Variants in PEAK1 observed in about 807,000 individuals in gnomAD.
The protein encoded by PEAK1 is pseudopodium enriched atypical kinase 1.
In PEAK1, 54 loss-of-function variants were observed where a neutral mutation model predicts 124.7. The observed-to-expected ratio is 0.43, with a 90% CI of 0.35 to 0.54. PEAK1 has a LOEUF of 0.54. Among genes scored for constraint, PEAK1 ranks in the 20% least tolerant of loss-of-function variants. PEAK1 has a pLI of 0.01. For missense variants in PEAK1, 2,046 were observed against 2,134.5 expected (o/e 0.96, Z 0.82); for synonymous variants, 719 against 760.0 (o/e 0.95, Z 0.89).
At chr15:77,281,318 A>C (rs1265406064) in intron 5 of PEAK1, among the ~76,000 whole-genome samples, 1 of 152,218 alleles carries the variant, frequency 6.6e-6, no homozygotes, top group Non-Finnish European at 1.5e-5. Flanking sequence ...AAAGAAAGTA[A>C]GCCATTGTTA....
rs184827297 is a variant in PEAK1 at position 77,308,039 on chromosome 15, C to T, written c.-602-21535G>A. On this transcript the variant is annotated intron_variant, in intron 2 of 9. Coordinates refer to ENST00000682557, the MANE Select transcript of PEAK1 (RefSeq NM_001385026.1). ...TGTTAGGAATATACTAGCTGCTTAA[C>T]AAATGTTGAAAACAGAATAAATAAA... 6.4e-4 allele frequency among the ~76,000 whole-genome samples: 98 copies of T among 152,086 alleles called. 1 individual carries two copies. Among genetic ancestry groups the T allele is most frequent in the African/African-American group, 2.3e-3 (97 of 41,536 alleles).
intron 6 of PEAK1, among the ~76,000 whole-genome samples, chr15:77,250,125 T>TC (rs1430849964): frequency 3.0e-5 from 4 of 135,580 alleles, no homozygotes; most frequent in Non-Finnish European, 6.0e-5. Context: ...AGATTTTTTT[T>TC]TAAAGAAATC....
intron 2 of PEAK1, among the ~76,000 whole-genome samples, chr15:77,294,414 C>T (rs1191039690): frequency 6.6e-6 from 1 of 151,986 alleles, no homozygotes; most frequent in Non-Finnish European, 1.5e-5. Flanking sequence ...AAATAATATA[C>T]CATTTTACTG....
At chr15:77,221,284 C>G (rs2059379111) in intron 6 of PEAK1, among the ~76,000 whole-genome samples, 1 of 152,022 alleles carries the variant, frequency 6.6e-6, no homozygotes, top group African/African-American at 2.4e-5. Context: ...AGTTTGGGGA[C>G]CTAAATGATT....
At chr15:77,246,819 A>C (rs566710587) in intron 6 of PEAK1, among the ~76,000 whole-genome samples, 1 of 152,166 alleles carries the variant, frequency 6.6e-6, no homozygotes, top group Admixed American at 6.5e-5. Flanking sequence ...GGAGTTCAAG[A>C]CCAGTCTGGC....
At chr15:77,155,541 T>TTTG (rs1176591501) in intron 8 of PEAK1, 1 of 152,300 alleles carries the variant, frequency 6.6e-6, no homozygotes, top group East Asian at 1.9e-4. Context: ...ACTGTGTTCC[T>TTTG]TTGGAGGAGG....
intron 5 of PEAK1, among the ~76,000 whole-genome samples, chr15:77,255,132 T>C (rs2061067051): frequency 6.6e-6 from 1 of 152,282 alleles, no homozygotes; most frequent in East Asian, 1.9e-4. Context: ...CTAATGCTCC[T>C]AGAAAAAATG....
At chr15:77,198,998 G>A (rs577056513) in intron 6 of PEAK1, among the ~76,000 whole-genome samples, 2 of 152,348 alleles carry the variant, frequency 1.3e-5, no homozygotes, top group South Asian at 4.1e-4. Flanking sequence ...CTATTTGTAT[G>A]GAAGAGAAGT....
chr15:77,207,262 T>TA (rs2058705131), intron 6 of PEAK1, among the ~76,000 whole-genome samples: 1 of 152,146 alleles, frequency 6.6e-6, no homozygotes, highest in South Asian at 2.1e-4. Context: ...AAAATAACTT[T>TA]AAAAAAGAAC....
At chr15:77,244,711 C>T (rs1003201248) in intron 6 of PEAK1, among the ~76,000 whole-genome samples, 2 of 152,052 alleles carry the variant, frequency 1.3e-5, no homozygotes, top group Admixed American at 1.3e-4. Flanking sequence ...GCCTCAGCCT[C>T]CCAAGTAGCT....
intron 8 of PEAK1, among the ~76,000 whole-genome samples, chr15:77,146,482 A>G (rs1440274697): frequency 6.6e-6 from 1 of 152,212 alleles, no homozygotes; most frequent in Non-Finnish European, 1.5e-5. Flanking sequence ...CTCTCCAAAA[A>G]CAGAGATTAT....
rs138789238 is a variant in PEAK1, at chr15:77,318,935, T to C, written c.-602-32431A>G. On this transcript the variant is annotated intron_variant, in intron 2 of 9. Transcript: ENST00000682557. ...TCCTGAACCACGAACCACCTAACAATGTGGTCAATGTTCTACAAACTCTCT... is the reference window on the plus strand; with the variant it reads ...TCCTGAACCACGAACCACCTAACAACGTGGTCAATGTTCTACAAACTCTCT... Among the ~76,000 whole-genome samples, 116 of 152,222 alleles carry C rather than the reference T, an allele frequency of 7.6e-4. 1 individual carries two copies. Among genetic ancestry groups the C allele is most frequent in the Non-Finnish European group, 2.1e-4 (14 of 68,026 alleles).
chr15:77,420,827 G>T, upstream of PEAK1: 1 of 398,678 alleles, frequency 2.5e-6, no homozygotes, highest in South Asian at 1.3e-4. Flanking sequence ...AGGTGGTTAA[G>T]AGATTAGGTA....
At chr15:77,154,801 T>C (rs1294452387) in intron 8 of PEAK1, among the ~76,000 whole-genome samples, 4 of 152,032 alleles carry the variant, frequency 2.6e-5, no homozygotes, top group African/African-American at 7.2e-5. Flanking sequence ...TTTAAGAATG[T>C]TGAATATTGG....
chr15:77,279,554 AT>A (rs1231444191), intron 5 of PEAK1, among the ~76,000 whole-genome samples: 1 of 152,128 alleles, frequency 6.6e-6, no homozygotes, highest in Non-Finnish European at 1.5e-5. Flanking sequence ...CTTCAGATAA[AT>A]TCTGTCATTT....
intron 2 of PEAK1, among the ~76,000 whole-genome samples, chr15:77,296,975 C>T (rs1210663037): frequency 1.3e-5 from 2 of 151,906 alleles, no homozygotes; most frequent in Middle Eastern, 3.4e-3. Flanking sequence ...CATCAGAGAT[C>T]AAAATTCCCG....
intron 6 of PEAK1, among the ~76,000 whole-genome samples, chr15:77,237,635 TA>T (rs2060182584): frequency 6.6e-6 from 1 of 152,122 alleles, no homozygotes; most frequent in Non-Finnish European, 1.5e-5. Context: ...TATATGTATT[TA>T]TTTTTTTCTA....
At chr15:77,115,430 A>C in intron 9 of PEAK1, 111 bp from the exon 10 acceptor site, 1 of 996,622 alleles carries the variant, frequency 1.0e-6, no homozygotes, top group Non-Finnish European at 1.4e-6. Context: ...TCATATAGTA[A>C]AGTTGTTCGC....
At chr15:77,286,637 T>C in intron 2 of PEAK1, 133 bp from the exon 3 acceptor site, 1 of 448,438 alleles carries the variant, frequency 2.2e-6, no homozygotes, top group East Asian at 3.6e-5. Flanking sequence ...AACTTATTTT[T>C]AAGCTATAAA....
Sources: allele counts gnomAD v4.1 joint callset (sites outside exome capture counted in the v4.1 genomes callset), GRCh38; gene constraint gnomAD v4.1.1; transcripts MANE v1.5; gene names NCBI Gene and HGNC (gene_info 2026-07-23, HGNC 2026-07-21).